Variants in ACO2 observed in about 807,000 individuals in gnomAD.
ACO2 encodes the protein aconitase 2.
In ACO2, 31 loss-of-function variants were observed where a neutral mutation model predicts 84.5. That is an observed-to-expected ratio of 0.37 (90% CI 0.28 to 0.50). ACO2 has a LOEUF of 0.50. ACO2 is among the 20% of genes least tolerant of loss of function. The pLI, the probability that ACO2 is intolerant of heterozygous loss-of-function variation, is 0.97. For synonymous variants in ACO2, 414 were observed against 412.7 expected (o/e 1.00, Z -0.04); for missense variants, 685 against 1,029.3 (o/e 0.67, Z 4.58).
At chr22:41,500,050 C>G (rs1220966108) in intron 2 of ACO2, among the ~76,000 whole-genome samples, 188 bp downstream of exon 2, 1 of 152,094 alleles carries the variant, frequency 6.6e-6, no homozygotes, top group Non-Finnish European at 1.5e-5. Context: ...TCCTCTCTGC[C>G]AAGGGAGAAT....
At position 41,499,641 on chromosome 22, in the gene ACO2, A is replaced by G. The variant is rs1601901069; in HGVS notation, c.37-85A>G. 14 of 1,459,270 alleles carry G rather than the reference A, an allele frequency of 9.6e-6. No individual in the cohort carries two copies. The East Asian group carries it at 3.3e-4, about 35-fold the overall frequency. 90.4% of individuals were successfully genotyped at this position (1,459,270 alleles called of 1,614,324 possible). A position where few individuals can be genotyped will look rare whatever the true frequency, so the allele number is the denominator to read the frequency against. On this transcript the variant is annotated intron_variant, in intron 1 of 17. Transcript: ENST00000216254. ...CAGCTCTTGACACTTTAATTCCTGG[A>G]TTTTTTTCACCATACTGAGCTGCCC... is the stretch of plus-strand genomic sequence containing the variant.
chr22:41,520,823 C>T (rs986599934), intron 9 of ACO2, among the ~76,000 whole-genome samples: 19 of 148,134 alleles, frequency 1.3e-4, no homozygotes, highest in Non-Finnish European at 2.7e-4. Context: ...GCCTGGGTGA[C>T]AGAGCGAGGC....
chr22:41,520,290 AC>A lies in ACO2; in HGVS notation c.1138+18del. On this transcript the variant is annotated intron_variant, in intron 9 of 17. Coordinates refer to ENST00000216254, the MANE Select transcript of ACO2 (RefSeq NM_001098.3). ...ACATCCGAGTGGGTGAGCACCTTCC[AC>A]CCCATCTGTTTAGCAGGTCTCAGGG... 6.2e-7 allele frequency: 1 copy of A among 1,606,770 alleles called. No homozygotes were observed. Among genetic ancestry groups the A allele is most frequent in the Non-Finnish European group, 8.5e-7 (1 of 1,173,746 alleles).
At chr22:41,518,638 CT>C in intron 8 of ACO2, 66 bp downstream of exon 8, 2 of 1,272,290 alleles carry the variant, frequency 1.6e-6, no homozygotes, top group Non-Finnish European at 2.3e-6. Context: ...CGGGTCCTGC[CT>C]AAATACTCAC....
rs1397401279 is a variant in ACO2 at position 41,520,229 on chromosome 22, T to C, written c.1091T>C (p.Val364Ala). The C allele has an allele frequency of 3.1e-6, 5 of 1,613,774 alleles. No individual in the cohort carries two copies. Among genetic ancestry groups the C allele is most frequent in the Non-Finnish European group, 4.2e-6 (5 of 1,179,910 alleles). ...GACCTGGCTCACCCTGTGGCAGAAG[T>C]GGGCAAGGTGGCAGAGAAGGAAGGA... ...TPDLAHPVAE[V>A]GKVAEKEGWP... The change falls in exon 9 of 18, where the codon GTG (valine) becomes GCG (alanine). Residue 364 changes from valine to alanine, a missense_variant. This residue lies in a region of ACO2 where 311 missense variants were observed against 441.6 expected (regional missense o/e 0.70). Coordinates refer to ENST00000216254, the MANE Select transcript of ACO2 (RefSeq NM_001098.3).
intron 1 of ACO2, among the ~76,000 whole-genome samples, chr22:41,474,813 A>C (rs1379664843): frequency 6.7e-6 from 1 of 150,298 alleles, no homozygotes; most frequent in Non-Finnish European, 1.5e-5. Flanking sequence ...ATTAGCCGGG[A>C]TGGTCTCGAT....
chr22:41,526,994 C>T lies in ACO2; in HGVS notation c.1954-294C>T, dbSNP rs537873846. On this transcript the variant is annotated intron_variant, in intron 15 of 17. Transcript: ENST00000216254. ...TGGGGCCCGGAGGCCGTCCCTGTCT[C>T]ACCCAACCTCCCTCCACACACACCT... The T allele has an allele frequency of 6.4e-5, 32 of 498,542 alleles. 1 individual carries two copies. In the South Asian group the frequency reaches 7.2e-4, roughly 11 times the overall value. 30.9% of individuals were successfully genotyped at this position (498,542 alleles called of 1,614,324 possible). A position where few individuals can be genotyped will look rare whatever the true frequency, so the allele number is the denominator to read the frequency against.
intron 2 of ACO2, among the ~76,000 whole-genome samples, chr22:41,503,884 C>G (rs960137232): frequency 6.6e-6 from 1 of 152,070 alleles, no homozygotes; most frequent in Non-Finnish European, 1.5e-5. Context: ...AACCCTGACA[C>G]GGAGAAAGAG....
At chr22:41,504,711 C>CTTTTTTTTT (rs926246283) in intron 2 of ACO2, among the ~76,000 whole-genome samples, 1 of 48,602 alleles carries the variant, frequency 2.1e-5, no homozygotes. Flanking sequence ...ACCTTAGGGA[C>CTTTTTTTTT]TTTTTTTTTT....
chr22:41,470,194 T>G (rs2037927460), intron 1 of ACO2, among the ~76,000 whole-genome samples: 1 of 152,200 alleles, frequency 6.6e-6, no homozygotes, highest in Non-Finnish European at 1.5e-5. Context: ...CAATGTCAAA[T>G]GTGTACTTTG....
chr22:41,511,467 C>T lies in ACO2; in HGVS notation c.433-409C>T, dbSNP rs115440914. Reference sequence around the variant, plus strand: ...GATTACAGGCGTGAGCCACTGCACCCAGCCACTGCGCCTAGGCCAGGGCCT... The same window carrying T: ...GATTACAGGCGTGAGCCACTGCACCTAGCCACTGCGCCTAGGCCAGGGCCT... On this transcript the variant is annotated intron_variant, in intron 3 of 17. Coordinates refer to ENST00000216254, the MANE Select transcript of ACO2 (RefSeq NM_001098.3). Among the ~76,000 whole-genome samples the T allele has an allele frequency of 9.7e-3, 1,474 of 152,384 alleles. 27 individuals are homozygous for T. The highest frequency in any genetic ancestry group is 0.033 in the African/African-American group (1,386 of 41,600).
At chr22:41,494,481 G>A (rs970640491) in intron 1 of ACO2, among the ~76,000 whole-genome samples, 6 of 149,474 alleles carry the variant, frequency 4.0e-5, no homozygotes, top group Admixed American at 6.7e-5. Flanking sequence ...GCGTGATGTC[G>A]GCTCACTGCA....
At chr22:41,481,767 C>T (rs976739313) in intron 1 of ACO2, among the ~76,000 whole-genome samples, 7 of 152,186 alleles carry the variant, frequency 4.6e-5, no homozygotes, top group African/African-American at 1.4e-4. Context: ...TCCAGAAGGC[C>T]GGTGGTCGTG....
chr22:41,511,922 A>C lies in ACO2; in HGVS notation c.479A>C (p.Lys160Thr). The C allele has an allele frequency of 3.1e-6, 5 of 1,611,732 alleles. No individual in the cohort carries two copies. The highest frequency in any genetic ancestry group is 4.2e-6 in the Non-Finnish European group (5 of 1,179,160). ...AATTTCCTGGCAACTGCAGGTGCCA[A>C]ATATGGCGTGGGCTTCTGGAAGCCT... ...VYNFLATAGA[K>T]YGVGFWKPGS... Residue 160 changes from lysine (K) to threonine (T), a missense_variant, in exon 4 of 18, where the codon AAA becomes ACA. Physicochemically the swap from Lys to Thr is moderately conservative, Grantham distance 78 (BLOSUM62 -1). Transcript: ENST00000216254.
At chr22:41,483,499 A>G (rs2038114108) in intron 1 of ACO2, among the ~76,000 whole-genome samples, 1 of 152,050 alleles carries the variant, frequency 6.6e-6, no homozygotes, top group Admixed American at 6.6e-5. Flanking sequence ...TTTACTAAAA[A>G]TACAAAAATT....
In ACO2 at chr22:41,523,759, C is replaced by T. The variant is rs2066547269; in HGVS notation, c.1371-71C>T. 6 of 1,379,830 alleles carry T rather than the reference C, an allele frequency of 4.3e-6. No individual in the cohort carries two copies. The African/African-American group carries it at 5.7e-5, about 13-fold the overall frequency. 85.5% of individuals were successfully genotyped at this position (1,379,830 alleles called of 1,614,324 possible). A position where few individuals can be genotyped will look rare whatever the true frequency, so the allele number is the denominator to read the frequency against. On this transcript the variant is annotated intron_variant, in intron 11 of 17. Coordinates refer to ENST00000216254, the MANE Select transcript of ACO2 (RefSeq NM_001098.3). ...GCTGGGCTGCGCCACAGGAACCCAG[C>T]TTATCTGTCCTCGGGACAGGCCAGG...
intron 9 of ACO2, among the ~76,000 whole-genome samples, chr22:41,520,527 A>G (rs1452379512): frequency 1.3e-5 from 2 of 151,774 alleles, no homozygotes; most frequent in Admixed American, 1.3e-4. Context: ...GCAACATGGA[A>G]AAACCCCGTC....
chr22:41,513,015 C>A (rs560448026), intron 4 of ACO2, among the ~76,000 whole-genome samples: 4 of 152,194 alleles, frequency 2.6e-5, no homozygotes, highest in Non-Finnish European at 5.9e-5. Context: ...AGCACCGCCC[C>A]GCTCTGAAAC....
chr22:41,518,598 A>G, intron 8 of ACO2, 26 bp downstream of exon 8: 1 of 1,576,612 alleles, frequency 6.3e-7, no homozygotes, highest in Non-Finnish European at 8.7e-7. Flanking sequence ...ACTGGGTTCA[A>G]GAAGTTTCTG....
Sources: gnomAD v4.1 joint callset for allele counts (sites outside exome capture counted in the v4.1 genomes callset) on GRCh38, gnomAD v4.1.1 for gene constraint, gnomAD v4.1.1 regional missense constraint, MANE v1.5 for transcripts, NCBI Gene and HGNC (gene_info 2026-07-23, HGNC 2026-07-21) for gene names.